The following RIMS2 variants were observed in gnomAD, a reference collection of about 807,000 sequenced individuals.
RIMS2 encodes the protein regulating synaptic membrane exocytosis protein 2.
RIMS2 carries 59 observed loss-of-function variants against 174.4 expected under a neutral mutation model. The ratio of observed to expected loss-of-function variants is 0.34; its 90% CI spans 0.27 to 0.42. The LOEUF is 0.42. Among genes scored for constraint, RIMS2 ranks in the 10% least tolerant of loss-of-function variants. RIMS2 has a pLI of 1.00. For synonymous variants in RIMS2, 606 were observed against 572.5 expected, an observed-to-expected ratio of 1.06 and a Z score of -0.84; for missense variants, 1,620 against 1,666.3, an observed-to-expected ratio of 0.97 and a Z score of 0.48.
At chr8:104,111,389 A>G (rs2098179924) in intron 19 of RIMS2, among the ~76,000 whole-genome samples, 1 of 152,062 alleles carries the variant, frequency 6.6e-6, no homozygotes, top group African/African-American at 2.4e-5. Flanking sequence ...GGAATTGACA[A>G]GTGGCTCATT....
chr8:103,576,909 T>C (rs1032287128), intron 1 of RIMS2, among the ~76,000 whole-genome samples: 1 of 152,186 alleles, frequency 6.6e-6, no homozygotes, highest in African/African-American at 2.4e-5. Context: ...CCTTACACCT[T>C]ATACAAAAAT....
At position 103,967,851 on chromosome 8, in the gene RIMS2, C is replaced by CTTTTTTT. The variant is rs1183741701; in HGVS notation, c.2770+6732_2770+6738dup. 3.8e-3 allele frequency among the ~76,000 whole-genome samples: 417 copies of CTTTTTTT among 109,546 alleles called. 14 individuals are homozygous for CTTTTTTT. The highest frequency in any genetic ancestry group is 6.4e-3 in the Non-Finnish European group (348 of 54,694). 71.9% of individuals were successfully genotyped at this position (109,546 alleles called of 152,430 possible). ...TCTAAAATTAGTGTACCTACTCCTG[C>CTTTTTTT]TTTTTTTTTTTTTTTTTTTTGAGAC... is the stretch of plus-strand genomic sequence containing the variant. On this transcript the variant is annotated intron_variant, in intron 15 of 23. Transcript: ENST00000504942.
rs573264464 is a variant in RIMS2 at position 103,899,566 on chromosome 8, G to A, written c.1625-10568G>A. ...ATATCCTTTGCCCACTTGTTGATGG[G>A]GTGGTTTTTTTCTTGTAAATTTGTT... is the stretch of plus-strand genomic sequence containing the variant. On this transcript the variant is annotated intron_variant, in intron 4 of 23. Coordinates refer to ENST00000504942, the Ensembl canonical transcript of RIMS2. Among the ~76,000 whole-genome samples the A allele has an allele frequency of 9.9e-5, 15 of 151,590 alleles. No homozygotes were observed. In the South Asian group the frequency reaches 3.1e-3, roughly 31 times the overall value.
chr8:103,779,758 T>TGGGGGGA (rs2098364652), intron 3 of RIMS2, among the ~76,000 whole-genome samples: 1 of 56,170 alleles, frequency 1.8e-5, no homozygotes, highest in Non-Finnish European at 3.2e-5. Context: ...TGTCATGGGG[T>TGGGGGGA]GGGGGGAGGG....
intron 19 of RIMS2, among the ~76,000 whole-genome samples, chr8:104,016,835 A>G (rs916723186): frequency 6.6e-6 from 1 of 152,064 alleles, no homozygotes; most frequent in African/African-American, 2.4e-5. Context: ...CCTATTGGTA[A>G]TACTGAAATT....
At chr8:104,228,588 T>A (rs949286424) in intron 19 of RIMS2, among the ~76,000 whole-genome samples, 7 of 152,196 alleles carry the variant, frequency 4.6e-5, no homozygotes, top group Non-Finnish European at 7.3e-5. Context: ...CAGTATATAG[T>A]TCCACCATTC....
intron 1 of RIMS2, among the ~76,000 whole-genome samples, chr8:103,532,351 T>C (rs915870875): frequency 2.0e-5 from 3 of 152,222 alleles, no homozygotes; most frequent in Non-Finnish European, 4.4e-5. Flanking sequence ...ATACTGCTTA[T>C]GGGCAAAATC....
intron 19 of RIMS2, among the ~76,000 whole-genome samples, chr8:104,194,166 C>A (rs1447894784): frequency 6.6e-6 from 1 of 151,730 alleles, no homozygotes; most frequent in African/African-American, 2.4e-5. Context: ...TTCAAATGAG[C>A]AAAATGCTCC....
At chr8:103,626,810 T>TTTAAA (rs2095798266) in intron 1 of RIMS2, among the ~76,000 whole-genome samples, 1 of 151,742 alleles carries the variant, frequency 6.6e-6, no homozygotes, top group African/African-American at 2.4e-5. Context: ...AGTTTTTTAT[T>TTTAAA]AGGGATTTTA....
At chr8:104,173,784 A>G (rs571647218) in intron 19 of RIMS2, among the ~76,000 whole-genome samples, 14 of 150,928 alleles carry the variant, frequency 9.3e-5, no homozygotes, top group Admixed American at 7.9e-4. Flanking sequence ...ACCCGCCACC[A>G]TGCCTGGCTA....
intron 19 of RIMS2, among the ~76,000 whole-genome samples, chr8:104,200,864 T>C (rs1007735958): frequency 6.6e-6 from 1 of 152,166 alleles, no homozygotes; most frequent in African/African-American, 2.4e-5. Flanking sequence ...CAGTGAGCCA[T>C]GATCTTGCCA....
chr8:103,595,747 T>C lies in RIMS2; in HGVS notation c.176+94685T>C, dbSNP rs950284697. On this transcript the variant is annotated intron_variant, in intron 1 of 23. Coordinates refer to ENST00000504942, the Ensembl canonical transcript of RIMS2. Reference sequence around the variant, plus strand: ...AGCATCTCAATGGAAGAGATGTAGTTGTTGCTAACCTTAGTGATTTACCTC... The same window carrying C: ...AGCATCTCAATGGAAGAGATGTAGTCGTTGCTAACCTTAGTGATTTACCTC... 2.6e-5 allele frequency among the ~76,000 whole-genome samples: 4 copies of C among 151,978 alleles called. No individual in the cohort carries two copies. The South Asian group carries it at 6.2e-4, about 24-fold the overall frequency.
intron 1 of RIMS2, among the ~76,000 whole-genome samples, chr8:103,611,085 T>G (rs1393499731): frequency 1.3e-5 from 2 of 152,210 alleles, no homozygotes; most frequent in Non-Finnish European, 2.9e-5. Flanking sequence ...TATTCATTTC[T>G]TCTAGATTTT....
At chr8:103,552,833 A>G (rs1310263855) in intron 1 of RIMS2, among the ~76,000 whole-genome samples, 3 of 152,230 alleles carry the variant, frequency 2.0e-5, no homozygotes, top group Admixed American at 1.3e-4. Context: ...CAGCCAAAAC[A>G]CACATGAAAA....
At chr8:103,660,617 A>G (rs1439607375) in intron 1 of RIMS2, among the ~76,000 whole-genome samples, 1 of 152,060 alleles carries the variant, frequency 6.6e-6, no homozygotes, top group Non-Finnish European at 1.5e-5. Flanking sequence ...AAAAACAAAA[A>G]AACAAATCTG....
At chr8:103,775,506 T>C (rs2098304629) in intron 3 of RIMS2, among the ~76,000 whole-genome samples, 1 of 152,166 alleles carries the variant, frequency 6.6e-6, no homozygotes, top group African/African-American at 2.4e-5. Context: ...GCAACAAAGA[T>C]GGCTATGTCT....
intron 3 of RIMS2, among the ~76,000 whole-genome samples, chr8:103,822,272 A>G (rs2098756727): frequency 6.6e-6 from 1 of 151,862 alleles, no homozygotes; most frequent in Middle Eastern, 3.4e-3. Flanking sequence ...CTCAACTTTC[A>G]TTAGGATTTT....
intron 19 of RIMS2, among the ~76,000 whole-genome samples, chr8:104,159,121 C>CA (rs1399523575): frequency 6.6e-6 from 1 of 152,144 alleles, no homozygotes; most frequent in Non-Finnish European, 1.5e-5. Flanking sequence ...TATGGCTAGC[C>CA]AGTTTTCCCA....
intron 1 of RIMS2, among the ~76,000 whole-genome samples, chr8:103,599,833 G>A (rs2094635305): frequency 6.6e-6 from 1 of 152,028 alleles, no homozygotes; most frequent in Admixed American, 6.6e-5. Flanking sequence ...GCAATGAATA[G>A]TAATCACATC....
Sources: allele counts gnomAD v4.1 joint callset (sites outside exome capture counted in the v4.1 genomes callset), GRCh38; gene constraint gnomAD v4.1.1; transcripts MANE v1.5; gene names NCBI Gene and HGNC (gene_info 2026-07-23, HGNC 2026-07-21).